Variants in FBXO5 observed in about 807,000 individuals in gnomAD.
FBXO5 encodes the protein F-box protein 5.
FBXO5 carries 8 observed loss-of-function variants against 43.3 expected under a neutral mutation model. That is an observed-to-expected ratio of 0.18 (90% CI 0.11 to 0.33). The LOEUF (loss-of-function observed/expected upper bound fraction) is 0.33, where lower values mean the gene tolerates loss of function less well. Among genes scored for constraint, FBXO5 ranks in the 10% least tolerant of loss-of-function variants. The probability of loss-of-function intolerance (pLI) is 1.00; values close to 1 mark genes in which losing one functional copy is unlikely to be tolerated. For missense variants in FBXO5, 491 were observed against 535.7 expected (o/e 0.92, Z 0.82); for synonymous variants, 204 against 193.7 (o/e 1.05, Z -0.44).
In FBXO5 at chr6:152,982,893, C is replaced by A. The variant is rs923182144; in HGVS notation, c.67G>T (p.Ala23Ser). Reference sequence around the variant, plus strand: ...CGAGGGCGCCCGGCGGCTGTCACTGCGCTGGGGCTGGCGCTGCAGGAGCAG... The same window carrying A: ...CGAGGGCGCCCGGCGGCTGTCACTGAGCTGGGGCTGGCGCTGCAGGAGCAG... Reference protein sequence around the residue: ...PRCSCSASPSAVTAAGRPRPS... With the variant: ...PRCSCSASPSSVTAAGRPRPS... Residue 23 changes from alanine (A) to serine (S), a missense_variant, in exon 1 of 5, where the codon GCA becomes TCA. By Grantham distance (99) the Ala-to-Ser change is moderately conservative. Coordinates refer to ENST00000229758, the MANE Select transcript of FBXO5 (RefSeq NM_012177.5). 1.3e-5 allele frequency: 19 copies of A among 1,512,164 alleles called. No individual in the cohort carries two copies. Among genetic ancestry groups the A allele is most frequent in the Non-Finnish European group, 1.7e-5 (19 of 1,137,060 alleles). The allele number at this position is 1,512,164 out of a possible 1,614,324, so 93.7% of individuals were successfully genotyped here. A position where few individuals can be genotyped will look rare whatever the true frequency, so the allele number is the denominator to read the frequency against.
intron 2 of FBXO5, 131 bp downstream of exon 2, chr6:152,974,776 T>C: frequency 1.4e-6 from 1 of 700,062 alleles, no homozygotes; most frequent in Non-Finnish European, 2.3e-6. Flanking sequence ...CTGAAATCCT[T>C]CTGGTACTAA....
chr6:152,983,220 C>T (rs1778295944), upstream of FBXO5: 4 of 367,672 alleles, frequency 1.1e-5, no homozygotes, highest in Admixed American at 1.9e-4. Context: ...AAGCCCAGCC[C>T]CCTTCCAGCT....
Position 152,975,556 on chromosome 6 carries a change from G to C in FBXO5, c.169C>G (p.His57Asp). 2 of 1,612,304 alleles carry C rather than the reference G, an allele frequency of 1.2e-6. No individual in the cohort carries two copies. Among genetic ancestry groups the C allele is most frequent in the Non-Finnish European group, 1.7e-6 (2 of 1,179,592 alleles). The part of the protein sequence containing the change: ...MKCDFNCNHV[H>D]SGLKLVKPDD... ...GGTTTTACCAGTTTAAGTCCGGAAT[G>C]AACATGGTTACAATTAAAATCACAC... Residue 57 changes from histidine to aspartate, a missense_variant, in exon 2 of 5, where the codon CAT becomes GAT. His to Asp is a moderately conservative substitution (Grantham distance 81). Coordinates refer to ENST00000229758, the MANE Select transcript of FBXO5 (RefSeq NM_012177.5).
At chr6:152,983,159 G>A (rs574465063), upstream of FBXO5, 5 of 402,616 alleles carry the variant, frequency 1.2e-5, no homozygotes, top group African/African-American at 6.2e-5. Context: ...GTGGGTGGGG[G>A]CGCCCTCGTC....
chr6:152,976,529 G>GT (rs1475860373), intron 1 of FBXO5, among the ~76,000 whole-genome samples: 1 of 152,124 alleles, frequency 6.6e-6, no homozygotes, highest in East Asian at 1.9e-4. Context: ...CCAAAGAACC[G>GT]TAAGTATGAA....
intron 1 of FBXO5, among the ~76,000 whole-genome samples, chr6:152,981,081 T>C (rs1418207837): frequency 1.3e-5 from 2 of 152,228 alleles, no homozygotes; most frequent in African/African-American, 2.4e-5. Flanking sequence ...TCCATTAGAA[T>C]GTATAGATTT....
chr6:152,976,010 C>T (rs940737107), intron 1 of FBXO5, among the ~76,000 whole-genome samples: 1 of 152,074 alleles, frequency 6.6e-6, no homozygotes, highest in Admixed American at 6.5e-5. Flanking sequence ...AAAGAGTAGG[C>T]GCTATGGTCA....
intron 1 of FBXO5, 130 bp from the exon 2 acceptor site, chr6:152,975,751 C>A (rs1396578221): frequency 5.0e-6 from 3 of 601,182 alleles, no homozygotes; most frequent in South Asian, 4.3e-5. Flanking sequence ...TACTTGCTTA[C>A]ATAGCTGTGA....
chr6:152,977,450 C>T (rs991024534), intron 1 of FBXO5, among the ~76,000 whole-genome samples: 1 of 152,142 alleles, frequency 6.6e-6, no homozygotes, highest in Non-Finnish European at 1.5e-5. Context: ...AGAGAAACTG[C>T]TTGTAAATTC....
At position 152,983,004 on chromosome 6, in the gene FBXO5, G is replaced by C. The variant is rs1373902240; in HGVS notation, c.-45C>G. Reference sequence around the variant, plus strand: ...GCCTCAGGTGGAGGAACCGCTCCGGGGGCAGCTGAGCAACCTGCCTGCTTC... The same window carrying C: ...GCCTCAGGTGGAGGAACCGCTCCGGCGGCAGCTGAGCAACCTGCCTGCTTC... On this transcript the variant is annotated 5_prime_UTR_variant, in exon 1 of 5. Transcript: ENST00000229758. 3.3e-6 allele frequency: 4 copies of C among 1,218,186 alleles called. No homozygotes were observed. The highest frequency in any genetic ancestry group is 8.0e-5 in the Admixed American group (2 of 24,964). 75.5% of individuals were successfully genotyped at this position (1,218,186 alleles called of 1,614,324 possible).
intron 1 of FBXO5, among the ~76,000 whole-genome samples, chr6:152,981,881 G>A (rs903335290): frequency 6.6e-6 from 1 of 151,996 alleles, no homozygotes; most frequent in Non-Finnish European, 1.5e-5. Context: ...AGTGCATATA[G>A]ATTTTATTTA....
intron 1 of FBXO5, among the ~76,000 whole-genome samples, chr6:152,976,736 T>C (rs1470416834): frequency 6.6e-6 from 1 of 152,226 alleles, no homozygotes; most frequent in Non-Finnish European, 1.5e-5. Flanking sequence ...ATTACCACCC[T>C]GCTCCAACCC....
In FBXO5 at chr6:152,975,274, A is replaced by T; in HGVS notation, c.451T>A (p.Ser151Thr). ...TGTTCACTGAGGCCACTTTGTAGAG[A>T]AAATGAGGAATAGCCACTGTCTTCA... ...LYEDSGYSSF[S>T]LQSGLSEHEE... The change falls in exon 2 of 5, where the codon TCT (serine) becomes ACT (threonine). Residue 151 changes from serine (S) to threonine (T), a missense_variant. Ser to Thr is a moderately conservative substitution (Grantham distance 58). Transcript: ENST00000229758. 1 of 1,614,138 alleles carries T rather than the reference A, an allele frequency of 6.2e-7. No individual in the cohort carries two copies. Among genetic ancestry groups the T allele is most frequent in the Non-Finnish European group, 8.5e-7 (1 of 1,180,022 alleles).
At position 152,971,202 on chromosome 6, in the gene FBXO5, A is replaced by C. The variant is rs1430703008; in HGVS notation, c.1305T>G (p.Pro435=). ...LKASCKIGPL[P]GTKKSKKNLR... is the part of the protein sequence containing the mutation. ...AATTCTTTTTGCTTTTCTTTGTACC[A>C]GGCAGGGGACCTATTTTACAACTGG... Residue 435 remains proline, a synonymous_variant, in exon 5 of 5, where the codon CCT becomes CCG. Transcript: ENST00000229758. 1.9e-6 allele frequency: 3 copies of C among 1,613,470 alleles called. No individual in the cohort carries two copies. Among genetic ancestry groups the C allele is most frequent in the Admixed American group, 1.7e-5 (1 of 59,832 alleles).
In FBXO5 at chr6:152,971,179, T is replaced by C; in HGVS notation, c.1328A>G (p.Asn443Ser). The C allele has an allele frequency of 6.2e-7, 1 of 1,606,628 alleles. No homozygotes were observed. Among genetic ancestry groups the C allele is most frequent in the Non-Finnish European group, 8.5e-7 (1 of 1,177,910 alleles). Residue 443 changes from asparagine (N) to serine (S), a missense_variant, in exon 5 of 5, where the codon AAT becomes AGT. Physicochemically the swap from Asn to Ser is conservative, Grantham distance 46. Transcript: ENST00000229758. The part of the protein sequence containing the change: ...PLPGTKKSKK[N>S]LRRL ...AATAAGAGATCACAATCTTCGTAAATTCTTTTTGCTTTTCTTTGTACCAGG... is the reference window on the plus strand; with the variant it reads ...AATAAGAGATCACAATCTTCGTAAACTCTTTTTGCTTTTCTTTGTACCAGG...
At position 152,971,243 on chromosome 6, in the gene FBXO5, C is replaced by T; in HGVS notation, c.1264G>A (p.Gly422Ser). ...NYHTTKDCSDGKLLKASCKIG... is the reference protein window; with the variant it reads ...NYHTTKDCSDSKLLKASCKIG... Reference sequence around the variant, plus strand: ...TTACAACTGGCTTTGAGGAGCTTGCCATCTGAACAGTCTTTAGTAGTATGA... The same window carrying T: ...TTACAACTGGCTTTGAGGAGCTTGCTATCTGAACAGTCTTTAGTAGTATGA... Residue 422 changes from glycine to serine, a missense_variant, in exon 5 of 5, where the codon GGC becomes AGC. Coordinates refer to ENST00000229758, the MANE Select transcript of FBXO5 (RefSeq NM_012177.5). 1 of 1,613,902 alleles carries T rather than the reference C, an allele frequency of 6.2e-7. No homozygotes were observed. The highest frequency in any genetic ancestry group is 1.7e-4 in the Middle Eastern group (1 of 6,060).
chr6:152,974,167 T>C (rs529867330), intron 2 of FBXO5, among the ~76,000 whole-genome samples: 1 of 152,024 alleles, frequency 6.6e-6, no homozygotes, highest in Admixed American at 6.5e-5. Context: ...GATTGCACCA[T>C]TGCGCTCCAG....
chr6:152,976,715 T>C (rs1778174081), intron 1 of FBXO5, among the ~76,000 whole-genome samples: 3 of 152,210 alleles, frequency 2.0e-5, no homozygotes, highest in Admixed American at 2.0e-4. Flanking sequence ...GAAAGACTTG[T>C]TCAGGGTTTT....
intron 1 of FBXO5, among the ~76,000 whole-genome samples, chr6:152,979,551 A>G (rs912502018): frequency 6.6e-6 from 1 of 152,226 alleles, no homozygotes; most frequent in Non-Finnish European, 1.5e-5. Context: ...GAAGGAAGTC[A>G]CTATGTACAC....
Sources: gnomAD v4.1 joint callset for allele counts (sites outside exome capture counted in the v4.1 genomes callset) on GRCh38, gnomAD v4.1.1 for gene constraint, MANE v1.5 for transcripts, NCBI Gene and HGNC (gene_info 2026-07-23, HGNC 2026-07-21) for gene names.